The following NUBPL variants were observed in gnomAD, a reference collection of about 807,000 sequenced individuals.
The protein encoded by NUBPL is iron-sulfur cluster transfer protein NUBPL.
NUBPL carries 31 observed loss-of-function variants against 45.7 expected under a neutral mutation model. The observed-to-expected ratio is 0.68, with a 90% CI of 0.51 to 0.92. The LOEUF (loss-of-function observed/expected upper bound fraction) is 0.92, where lower values mean the gene tolerates loss of function less well. Ranked by LOEUF, NUBPL falls within the 40% of genes least tolerant of loss-of-function variation. The probability of loss-of-function intolerance (pLI) is 0.00; values close to 1 mark genes in which losing one functional copy is unlikely to be tolerated. For synonymous variants in NUBPL, 144 were observed against 140.9 expected, an observed-to-expected ratio of 1.02 and a Z score of -0.15; for missense variants, 401 against 398.7, an observed-to-expected ratio of 1.01 and a Z score of -0.05.
At chr14:31,636,456 A>G (rs959033291) in intron 4 of NUBPL, among the ~76,000 whole-genome samples, 7 of 150,814 alleles carry the variant, frequency 4.6e-5, no homozygotes, top group African/African-American at 7.5e-5. Context: ...TGATCGTGGT[A>G]GATAAGCTTT....
chr14:31,816,644 C>T (rs1806356357), intron 7 of NUBPL, among the ~76,000 whole-genome samples: 1 of 152,068 alleles, frequency 6.6e-6, no homozygotes, highest in Admixed American at 6.6e-5. Flanking sequence ...TTAGATCTTT[C>T]CTGCTTTCTC....
At position 31,641,831 on chromosome 14, in the gene NUBPL, C is replaced by T. The variant is rs1318141881; in HGVS notation, c.383-31524C>T. Among the ~76,000 whole-genome samples the T allele has an allele frequency of 2.6e-5, 4 of 152,176 alleles. No individual in the cohort carries two copies. In the East Asian group the frequency reaches 7.7e-4, roughly 29 times the overall value. On this transcript the variant is annotated intron_variant, in intron 4 of 10. Transcript: ENST00000281081. ...GAGGGTTTCCCTTTATTTACATCCT[C>T]ACCTGCATCTGTTACCTCATGTCCT...
At chr14:31,614,453 A>T (rs1470284277) in intron 4 of NUBPL, among the ~76,000 whole-genome samples, 1 of 152,214 alleles carries the variant, frequency 6.6e-6, no homozygotes, top group Non-Finnish European at 1.5e-5. Context: ...CAGTGGGTGA[A>T]AAAGGTTATA....
rs888788675 is a variant in NUBPL at position 31,561,798 on chromosome 14, G to A, written c.108+251G>A. 17 of 585,578 alleles carry A rather than the reference G, an allele frequency of 2.9e-5. No individual in the cohort carries two copies. The South Asian group carries it at 3.9e-4, about 13-fold the overall frequency. The allele number at this position is 585,578 out of a possible 1,614,324, so 36.3% of individuals were successfully genotyped here. ...TATTTATCAAATAGATTGAAGAAAA[G>A]CAAAACACGTGGAAGCCTTATCTCC... On this transcript the variant is annotated intron_variant, in intron 1 of 10. Coordinates refer to ENST00000281081, the MANE Select transcript of NUBPL (RefSeq NM_025152.3).
At chr14:31,812,815 G>T (rs868033795) in intron 7 of NUBPL, among the ~76,000 whole-genome samples, 1 of 152,104 alleles carries the variant, frequency 6.6e-6, no homozygotes, top group Non-Finnish European at 1.5e-5. Flanking sequence ...GAGGAAGCAG[G>T]GAGGAGAGAG....
At chr14:31,826,153 C>T (rs542467350) in intron 7 of NUBPL, among the ~76,000 whole-genome samples, 62 of 152,196 alleles carry the variant, frequency 4.1e-4, no homozygotes, top group African/African-American at 1.4e-3. Context: ...TGAAGTCTTG[C>T]TCTGTCACCC....
At chr14:31,773,957 C>T (rs2039054452) in intron 6 of NUBPL, among the ~76,000 whole-genome samples, 1 of 152,214 alleles carries the variant, frequency 6.6e-6, no homozygotes, top group Admixed American at 6.5e-5. Flanking sequence ...ATTCCAACCA[C>T]CATATGAGTG....
chr14:31,608,651 C>G (rs1350842556), intron 4 of NUBPL, among the ~76,000 whole-genome samples: 1 of 152,050 alleles, frequency 6.6e-6, no homozygotes. Context: ...AGTAAGTATG[C>G]AGGGAAAAAA....
At chr14:31,686,257 A>C (rs1408371553) in intron 6 of NUBPL, among the ~76,000 whole-genome samples, 3 of 152,314 alleles carry the variant, frequency 2.0e-5, no homozygotes, top group Non-Finnish European at 4.4e-5. Flanking sequence ...AAAGGAGAAA[A>C]ATATCCAGGG....
chr14:31,590,690 C>G (rs1480314769), intron 3 of NUBPL, among the ~76,000 whole-genome samples: 1 of 152,130 alleles, frequency 6.6e-6, no homozygotes, highest in East Asian at 1.9e-4. Context: ...AGTTAGGTTT[C>G]TAGGTCCCCA....
chr14:31,838,891 G>A (rs1398276132), intron 8 of NUBPL, among the ~76,000 whole-genome samples: 1 of 152,068 alleles, frequency 6.6e-6, no homozygotes, highest in Non-Finnish European at 1.5e-5. Context: ...GTGACTAATG[G>A]CTACCCTATT....
intron 7 of NUBPL, among the ~76,000 whole-genome samples, chr14:31,810,697 A>C (rs1284673448): frequency 6.6e-6 from 1 of 152,118 alleles, no homozygotes; most frequent in Non-Finnish European, 1.5e-5. Context: ...TAGTTGATGC[A>C]GTTTCTTCCT....
chr14:31,626,430 G>A (rs559589694), intron 4 of NUBPL, among the ~76,000 whole-genome samples: 14 of 152,264 alleles, frequency 9.2e-5, no homozygotes, highest in African/African-American at 2.9e-4. Flanking sequence ...ATGAGCCACC[G>A]CACCTGGCCC....
intron 6 of NUBPL, among the ~76,000 whole-genome samples, chr14:31,700,516 G>T (rs1399908827): frequency 6.6e-6 from 1 of 152,164 alleles, no homozygotes; most frequent in Non-Finnish European, 1.5e-5. Context: ...GCTGCAGCCG[G>T]CTCCCTCTGC....
chr14:31,803,347 T>A (rs1324720060), intron 7 of NUBPL, among the ~76,000 whole-genome samples: 1 of 152,216 alleles, frequency 6.6e-6, no homozygotes, highest in East Asian at 1.9e-4. Flanking sequence ...AGTAGTTCCT[T>A]AAAGGCATCT....
At chr14:31,635,643 T>G (rs2035473398) in intron 4 of NUBPL, among the ~76,000 whole-genome samples, 1 of 151,912 alleles carries the variant, frequency 6.6e-6, no homozygotes, top group Non-Finnish European at 1.5e-5. Flanking sequence ...ATTCGTAGCT[T>G]GATGGGGATG....
At chr14:31,813,215 C>A (rs1251889035) in intron 7 of NUBPL, among the ~76,000 whole-genome samples, 1 of 151,998 alleles carries the variant, frequency 6.6e-6, no homozygotes, top group African/African-American at 2.4e-5. Flanking sequence ...TCTCAATCTC[C>A]TGACCTCATG....
intron 6 of NUBPL, among the ~76,000 whole-genome samples, chr14:31,748,324 A>G (rs1003549898): frequency 6.6e-6 from 1 of 152,208 alleles, no homozygotes; most frequent in Non-Finnish European, 1.5e-5. Context: ...CATTTGGTCT[A>G]TAGTACAGTT....
intron 7 of NUBPL, among the ~76,000 whole-genome samples, chr14:31,798,629 A>G (rs959271081): frequency 5.3e-5 from 8 of 151,328 alleles, no homozygotes; most frequent in African/African-American, 1.9e-4. Flanking sequence ...TGTCTCTACT[A>G]AAAAAACAAA....
Sources: allele counts gnomAD v4.1 joint callset (sites outside exome capture counted in the v4.1 genomes callset), GRCh38; gene constraint gnomAD v4.1.1; transcripts MANE v1.5; gene names NCBI Gene and HGNC (gene_info 2026-07-23, HGNC 2026-07-21).